ALK: variants seen among roughly 807,000 people sequenced by gnomAD.
ALK encodes ALK receptor tyrosine kinase, also known as ALK tyrosine kinase receptor.
In ALK, 74 loss-of-function variants were observed where a neutral mutation model predicts 163.1. That is an observed-to-expected ratio of 0.45 (90% CI 0.38 to 0.55). ALK has a LOEUF of 0.55. Among genes scored for constraint, ALK ranks in the 20% least tolerant of loss-of-function variants. The probability of loss-of-function intolerance (pLI) is 0.00; values close to 1 mark genes in which losing one functional copy is unlikely to be tolerated. For missense variants in ALK, 2,063 were observed against 2,105.3 expected (o/e 0.98, Z 0.39); for synonymous variants, 960 against 843.2 (o/e 1.14, Z -2.40).
rs141212769 is a variant in ALK at position 29,418,407 on chromosome 2, T to C, written c.1155-34548A>G. The stretch of plus-strand genomic sequence containing the variant: ...GAAAACACAGACTTTATAACGGATA[T>C]GTATAATCTTTCTTTTTCTCCTATA... On this transcript the variant is annotated intron_variant, in intron 4 of 28. Transcript: ENST00000389048. Among the ~76,000 whole-genome samples the C allele has an allele frequency of 4.0e-3, 617 of 152,346 alleles. 1 individual carries two copies. Among genetic ancestry groups the C allele is most frequent in the African/African-American group, 0.014 (562 of 41,574 alleles).
At chr2:29,654,875 A>T (rs1677139328) in intron 3 of ALK, among the ~76,000 whole-genome samples, 1 of 152,142 alleles carries the variant, frequency 6.6e-6, no homozygotes, top group African/African-American at 2.4e-5. Context: ...CCATTTAAAA[A>T]ATATACTAAA....
intron 1 of ALK, among the ~76,000 whole-genome samples, chr2:29,822,835 A>G (rs1384124403): frequency 6.6e-6 from 1 of 152,136 alleles, no homozygotes; most frequent in East Asian, 1.9e-4. Flanking sequence ...TGGTTTCCTC[A>G]CCTATCAAGT....
At position 29,239,839 on chromosome 2, in the gene ALK, G is replaced by C. The variant is rs1046349000; in HGVS notation, c.2205-9C>G. 6.2e-6 allele frequency: 10 copies of C among 1,612,540 alleles called. No homozygotes were observed. Among genetic ancestry groups the C allele is most frequent in the Non-Finnish European group, 8.5e-6 (10 of 1,179,414 alleles). On this transcript the variant is annotated splice_polypyrimidine_tract_variant and intron_variant, in intron 12 of 28. Coordinates refer to ENST00000389048, the MANE Select transcript of ALK (RefSeq NM_004304.5). ...CTCCGTAGCCCGAGATGCTGCAATG[G>C]GACAAAGAACGTTGGCTCCCGCTGT...
At chr2:29,748,082 G>T (rs1334802277) in intron 1 of ALK, among the ~76,000 whole-genome samples, 1 of 152,138 alleles carries the variant, frequency 6.6e-6, no homozygotes, top group Non-Finnish European at 1.5e-5. Context: ...AGTTTGGAAG[G>T]GCGGTCAAGT....
intron 4 of ALK, among the ~76,000 whole-genome samples, chr2:29,488,640 A>G (rs1232921654): frequency 2.6e-5 from 4 of 152,318 alleles, no homozygotes; most frequent in East Asian, 3.9e-4. Context: ...TTTCTTCACC[A>G]TGTACTCATG....
chr2:29,226,795 G>A (rs2148177997), intron 18 of ALK, 127 bp downstream of exon 18: 1 of 1,184,232 alleles, frequency 8.4e-7, no homozygotes, highest in African/African-American at 1.5e-5. Context: ...AGCTGTGGCA[G>A]GTAGGGGAGG....
chr2:29,299,052 G>A (rs993642749), intron 8 of ALK, among the ~76,000 whole-genome samples: 2 of 152,100 alleles, frequency 1.3e-5, no homozygotes, highest in African/African-American at 4.8e-5. Flanking sequence ...TGAACAGCTG[G>A]GATGTAACTG....
intron 3 of ALK, among the ~76,000 whole-genome samples, chr2:29,586,755 A>G (rs1022647041): frequency 2.0e-5 from 3 of 152,246 alleles, no homozygotes; most frequent in African/African-American, 7.2e-5. Context: ...ACCAAAATAT[A>G]TAAAACACTT....
intron 9 of ALK, among the ~76,000 whole-genome samples, chr2:29,283,134 T>C (rs1665756843): frequency 6.6e-6 from 1 of 152,158 alleles, no homozygotes; most frequent in African/African-American, 2.4e-5. Flanking sequence ...TTCAAGTGCC[T>C]CTTGGGCCCC....
chr2:29,467,564 G>T (rs1158720011), intron 4 of ALK, among the ~76,000 whole-genome samples: 1 of 152,166 alleles, frequency 6.6e-6, no homozygotes, highest in Non-Finnish European at 1.5e-5. Flanking sequence ...AAATGAGCCT[G>T]CTCTAAGACC....
At chr2:29,804,557 TC>T (rs1382009106) in intron 1 of ALK, among the ~76,000 whole-genome samples, 1 of 152,198 alleles carries the variant, frequency 6.6e-6, no homozygotes, top group African/African-American at 2.4e-5. Flanking sequence ...TATCGAGCCA[TC>T]ATAGCTCACT....
intron 4 of ALK, among the ~76,000 whole-genome samples, chr2:29,505,554 C>T (rs1478111327): frequency 6.6e-6 from 1 of 152,036 alleles, no homozygotes; most frequent in Non-Finnish European, 1.5e-5. Flanking sequence ...GCCAGGCACT[C>T]CTGAGATGAC....
chr2:29,211,569 G>C (rs573490684), intron 24 of ALK, among the ~76,000 whole-genome samples: 45 of 152,324 alleles, frequency 3.0e-4, no homozygotes, highest in African/African-American at 1.1e-3. Flanking sequence ...GAAGCATGTG[G>C]ATCTGGTGAG....
chr2:29,329,472 T>G (rs935371077), intron 5 of ALK, among the ~76,000 whole-genome samples: 1 of 152,212 alleles, frequency 6.6e-6, no homozygotes, highest in Non-Finnish European at 1.5e-5. Flanking sequence ...AGGGCTCACC[T>G]GGGTCAACAC....
intron 24 of ALK, among the ~76,000 whole-genome samples, chr2:29,210,710 A>T (rs1481861658): frequency 1.3e-5 from 2 of 152,198 alleles, no homozygotes; most frequent in Non-Finnish European, 2.9e-5. Context: ...ATTATTATTA[A>T]TTTTTAAAAT....
At chr2:29,419,000 C>T (rs183693173) in intron 4 of ALK, among the ~76,000 whole-genome samples, 2 of 151,346 alleles carry the variant, frequency 1.3e-5, no homozygotes, top group African/African-American at 4.9e-5. Flanking sequence ...AGTCTGTGCT[C>T]TCAATAATCC....
At chr2:29,779,428 C>A (rs1295788487) in intron 1 of ALK, among the ~76,000 whole-genome samples, 3 of 152,146 alleles carry the variant, frequency 2.0e-5, no homozygotes. Context: ...AAGGTGTGCA[C>A]TTTCAAATAC....
At chr2:29,441,946 G>C (rs111331729) in intron 4 of ALK, among the ~76,000 whole-genome samples, 99 of 152,184 alleles carry the variant, frequency 6.5e-4, no homozygotes, top group Admixed American at 1.4e-3. Flanking sequence ...TTGTCTTGTA[G>C]AGGCACAAAT....
At chr2:29,321,831 C>A (rs1413782409) in intron 6 of ALK, among the ~76,000 whole-genome samples, 1 of 152,212 alleles carries the variant, frequency 6.6e-6, no homozygotes, top group Non-Finnish European at 1.5e-5. Flanking sequence ...CTCTTTATAT[C>A]ATCAGTGGGC....
Sources: gnomAD v4.1 joint callset for allele counts (sites outside exome capture counted in the v4.1 genomes callset) on GRCh38, gnomAD v4.1.1 for gene constraint, MANE v1.5 for transcripts, NCBI Gene and HGNC (gene_info 2026-07-23, HGNC 2026-07-21) for gene names.